The following SSBP3 variants were observed in gnomAD, a reference collection of about 807,000 sequenced individuals.
The protein encoded by SSBP3 is single stranded DNA binding protein 3.
Under a neutral mutation model 69.6 loss-of-function variants are expected in SSBP3, and 5 were observed. That is an observed-to-expected ratio of 0.07 (90% CI 0.04 to 0.15). The LOEUF (loss-of-function observed/expected upper bound fraction) is 0.15. Ranked by LOEUF, SSBP3 falls within the 10% of genes least tolerant of loss-of-function variation. The pLI is 1.00. For synonymous variants in SSBP3, 196 were observed against 193.4 expected, an observed-to-expected ratio of 1.01 and a Z score of -0.11; for missense variants, 312 against 534.0, an observed-to-expected ratio of 0.58 and a Z score of 4.10.
At chr1:54,345,908 G>A (rs1161688146) in intron 4 of SSBP3, among the ~76,000 whole-genome samples, 9 of 151,470 alleles carry the variant, frequency 5.9e-5, no homozygotes, top group Admixed American at 5.9e-4. Context: ...TTGGGAGGCC[G>A]ACGCGGGTGG....
intron 13 of SSBP3, among the ~76,000 whole-genome samples, chr1:54,240,089 C>CGTGTGTGTGTGTGTGT (rs1419658974): frequency 4.8e-5 from 2 of 42,014 alleles, no homozygotes; most frequent in African/African-American, 1.2e-4. Flanking sequence ...TGTGTGTGTG[C>CGTGTGTGTGTGTGTGT]GCGCGCGCGC....
chr1:54,249,837 A>C (rs1644796809), intron 9 of SSBP3, among the ~76,000 whole-genome samples: 1 of 150,766 alleles, frequency 6.6e-6, no homozygotes, highest in African/African-American at 2.4e-5. Context: ...ACAGCCCTCC[A>C]GGTCAGGCAC....
rs200050044 is a variant in SSBP3 at position 54,228,475 on chromosome 1, A to C, written c.1009T>G (p.Ser337Ala). Reference sequence around the variant, plus strand: ...TTTGGAAGTCCGTCTATGTCGCCTGACCCTGGAAAGAAAAAATAATCCAAT... The same window carrying C: ...TTTGGAAGTCCGTCTATGTCGCCTGCCCCTGGAAAGAAAAAATAATCCAAT... The change falls in exon 16 of 18, where the codon TCA becomes GCA. Residue 337 changes from serine to alanine, a missense_variant and splice_region_variant. By Grantham distance (99) the Ser-to-Ala change is moderately conservative. Around this residue, in one of 4 missense-constraint regions of SSBP3, gnomAD observed 63 missense variants for 137.2 expected, o/e 0.46. Transcript: ENST00000610401. 1.2e-5 allele frequency: 20 copies of C among 1,614,152 alleles called. No homozygotes were observed. In the East Asian group the frequency reaches 4.5e-4, roughly 36 times the overall value.
chr1:54,286,466 G>T (rs1645491947), intron 4 of SSBP3: 1 of 152,222 alleles, frequency 6.6e-6, no homozygotes, highest in Non-Finnish European at 1.5e-5. Context: ...CACAGCCAGG[G>T]AGACTTGTGA....
intron 5 of SSBP3, among the ~76,000 whole-genome samples, chr1:54,263,607 C>T (rs1034257005): frequency 3.3e-5 from 5 of 152,232 alleles, no homozygotes; most frequent in Non-Finnish European, 7.3e-5. Context: ...GGCCTCATCT[C>T]ACCAGGTCTG....
At chr1:54,382,985 C>CAAA (rs781100304) in intron 4 of SSBP3, among the ~76,000 whole-genome samples, 4 of 89,942 alleles carry the variant, frequency 4.4e-5, no homozygotes, top group African/African-American at 1.2e-4. Flanking sequence ...AACTCCATGA[C>CAAA]AAAAAAAAAA....
intron 4 of SSBP3, among the ~76,000 whole-genome samples, chr1:54,389,116 A>G (rs554014116): frequency 2.0e-5 from 3 of 152,320 alleles, no homozygotes; most frequent in South Asian, 4.1e-4. Context: ...ATTCTGTTCT[A>G]CCAACCTGGT....
At chr1:54,256,768 T>C (rs1325444949) in intron 7 of SSBP3, among the ~76,000 whole-genome samples, 1 of 152,150 alleles carries the variant, frequency 6.6e-6, no homozygotes, top group Admixed American at 6.5e-5. Context: ...ATTAGCTTCA[T>C]TAAGGAGGAA....
chr1:54,325,871 C>A (rs1646292144), intron 4 of SSBP3, among the ~76,000 whole-genome samples: 1 of 152,156 alleles, frequency 6.6e-6, no homozygotes, highest in South Asian at 2.1e-4. Flanking sequence ...GCGGACTTAA[C>A]ACAGTGGCAA....
At chr1:54,325,562 T>A (rs1646286742) in intron 4 of SSBP3, 1 of 165,366 alleles carries the variant, frequency 6.0e-6, no homozygotes, top group Non-Finnish European at 1.5e-5. Context: ...TCCCTTATTT[T>A]GTAACTCCTG....
intron 13 of SSBP3, among the ~76,000 whole-genome samples, chr1:54,240,093 C>T (rs112060729): frequency 0.03 from 635 of 21,004 alleles, 5 homozygotes; most frequent in Middle Eastern, 0.052. Flanking sequence ...TGTGTGCGCG[C>T]GCGCGCGTGT....
intron 4 of SSBP3, among the ~76,000 whole-genome samples, chr1:54,302,038 G>A (rs1214375263): frequency 6.6e-6 from 1 of 152,250 alleles, no homozygotes; most frequent in African/African-American, 2.4e-5. Flanking sequence ...AGCTCCAGAG[G>A]GCGGCTGGGT....
At position 54,239,105 on chromosome 1, in the gene SSBP3, T is replaced by A. The variant is rs760416321; in HGVS notation, c.927+24A>T. The A allele has an allele frequency of 1.4e-5, 22 of 1,600,496 alleles. No homozygotes were observed. In the East Asian group the frequency reaches 4.7e-4, roughly 34 times the overall value. On this transcript the variant is annotated intron_variant, in intron 14 of 17. Transcript: ENST00000610401. ...ATGATTTGTTATGGTGTCTGATATG[T>A]AAATTATTAGAAAGCAGACTTACGT...
At chr1:54,319,232 C>T (rs1646170677) in intron 4 of SSBP3, among the ~76,000 whole-genome samples, 1 of 152,180 alleles carries the variant, frequency 6.6e-6, no homozygotes, top group Non-Finnish European at 1.5e-5. Flanking sequence ...GAAGAGCTAA[C>T]ATCCTTCTCA....
chr1:54,369,451 A>C (rs1246899081), intron 4 of SSBP3, among the ~76,000 whole-genome samples: 5 of 152,194 alleles, frequency 3.3e-5, no homozygotes, highest in South Asian at 2.1e-4. Context: ...AAGAATATCC[A>C]CGTGGAGGCT....
intron 4 of SSBP3, among the ~76,000 whole-genome samples, chr1:54,316,704 A>G (rs1646119556): frequency 9.1e-6 from 1 of 110,344 alleles, no homozygotes; most frequent in Non-Finnish European, 1.9e-5. Flanking sequence ...AAATAAATAA[A>G]TAAATAAAAT....
intron 12 of SSBP3, 103 bp from the exon 13 acceptor site, chr1:54,241,062 G>A (rs1055252962): frequency 8.0e-7 from 1 of 1,244,688 alleles, no homozygotes; most frequent in Non-Finnish European, 1.1e-6. Flanking sequence ...CTCGCCCCAG[G>A]CCCAGCCGCT....
chr1:54,386,701 T>TTTTTTTTTTTTTTTTTTTTTTTC (rs1648115604), intron 4 of SSBP3, among the ~76,000 whole-genome samples: 1 of 144,974 alleles, frequency 6.9e-6, no homozygotes, highest in African/African-American at 2.6e-5. Flanking sequence ...TTTTTTTTTT[T>TTTTTTTTTTTTTTTTTTTTTTTC]TTTAAGAGAT....
upstream of SSBP3, among the ~76,000 whole-genome samples, chr1:54,406,950 G>T (rs576825045): frequency 3.3e-5 from 5 of 150,088 alleles, no homozygotes; most frequent in South Asian, 1.1e-3. Context: ...ACTCCAGCCC[G>T]GCCCCCAGCC....
Sources: allele counts gnomAD v4.1 joint callset (sites outside exome capture counted in the v4.1 genomes callset), GRCh38; gene constraint gnomAD v4.1.1; regional missense constraint gnomAD v4.1.1; transcripts MANE v1.5; gene names NCBI Gene and HGNC (gene_info 2026-07-23, HGNC 2026-07-21).